ATP11A: variants seen among roughly 807,000 people sequenced by gnomAD.
ATP11A encodes the protein phospholipid-transporting ATPase IH.
Under a neutral mutation model 154.4 loss-of-function variants are expected in ATP11A, and 81 were observed. The ratio of observed to expected loss-of-function variants is 0.52; its 90% confidence interval spans 0.44 to 0.63. The LOEUF (loss-of-function observed/expected upper bound fraction) is 0.63. ATP11A is among the 30% of genes least tolerant of loss of function. The probability of loss-of-function intolerance (pLI) is 0.00; values close to 1 mark genes in which losing one functional copy is unlikely to be tolerated. For synonymous variants in ATP11A, 623 were observed against 585.9 expected (o/e 1.06, Z -0.91); for missense variants, 1,316 against 1,474.3 (o/e 0.89, Z 1.76).
intron 1 of ATP11A, among the ~76,000 whole-genome samples, chr13:112,757,096 A>G (rs147714831): frequency 6.6e-6 from 1 of 152,394 alleles, no homozygotes; most frequent in African/African-American, 2.4e-5. Flanking sequence ...GGCAAAAGAT[A>G]AAAAGTTACT....
At chr13:112,810,585 C>A in intron 4 of ATP11A, 34 bp from the exon 5 acceptor site, 2 of 1,560,140 alleles carry the variant, frequency 1.3e-6, no homozygotes, top group East Asian at 2.2e-5. Context: ...TCTCTCCCTG[C>A]TTCCTCTCTC....
chr13:112,814,294 G>A (rs948252052), intron 5 of ATP11A, among the ~76,000 whole-genome samples: 8 of 151,716 alleles, frequency 5.3e-5, no homozygotes, highest in Middle Eastern at 3.4e-3. Context: ...AACTGCTGGC[G>A]TCAAGTGATC....
chr13:112,822,471 A>G (rs777072895), intron 8 of ATP11A, among the ~76,000 whole-genome samples: 1 of 152,038 alleles, frequency 6.6e-6, no homozygotes, highest in Non-Finnish European at 1.5e-5. Context: ...TGTCCCCCCC[A>G]TTCAGAGGAG....
At chr13:112,849,885 C>T (rs995629044) in intron 17 of ATP11A, among the ~76,000 whole-genome samples, 3 of 152,182 alleles carry the variant, frequency 2.0e-5, no homozygotes, top group East Asian at 1.9e-4. Context: ...TCCTCTGAGA[C>T]GGGTCCACTG....
chr13:112,747,198 A>C (rs1892261373), intron 1 of ATP11A: 1 of 152,210 alleles, frequency 6.6e-6, no homozygotes, highest in Admixed American at 6.5e-5. Context: ...CTTGCAAACA[A>C]GTGGGGTCAG....
intron 28 of ATP11A, among the ~76,000 whole-genome samples, chr13:112,876,303 T>C (rs2080722642): frequency 6.6e-6 from 1 of 152,162 alleles, no homozygotes; most frequent in African/African-American, 2.4e-5. Context: ...CTGGAAACGG[T>C]AGCATCTGTA....
chr13:112,825,331 TTC>T, intron 10 of ATP11A, 97 bp from the exon 11 acceptor site: 1 of 1,365,422 alleles, frequency 7.3e-7, no homozygotes, highest in Non-Finnish European at 1.0e-6. Context: ...GCCCTTCCTA[TTC>T]TGTTTCTTCA....
intron 29 of ATP11A, 22 bp downstream of exon 29, chr13:112,878,325 C>T (rs536592930): frequency 2.2e-5 from 36 of 1,611,292 alleles, no homozygotes; most frequent in Middle Eastern, 1.7e-4. Flanking sequence ...CTGCCTTCCA[C>T]GCACCTGGGA....
At chr13:112,714,882 C>G (rs182866045) in intron 1 of ATP11A, among the ~76,000 whole-genome samples, 1 of 152,326 alleles carries the variant, frequency 6.6e-6, no homozygotes, top group South Asian at 2.1e-4. Context: ...ACTGCCCCCC[C>G]GCAGAACTTC....
intron 1 of ATP11A, among the ~76,000 whole-genome samples, chr13:112,718,177 C>T (rs1888710549): frequency 6.6e-6 from 1 of 151,982 alleles, no homozygotes; most frequent in Non-Finnish European, 1.5e-5. Context: ...GTGTGATAGT[C>T]TTTTTGCTTG....
In ATP11A at chr13:112,831,367, G is replaced by C. The variant is rs758498456; in HGVS notation, c.1222-8G>C. 4 of 1,612,842 alleles carry C rather than the reference G, an allele frequency of 2.5e-6. No individual in the cohort carries two copies. The highest frequency in any genetic ancestry group is 1.7e-5 in the Admixed American group (1 of 59,976). On this transcript the variant is annotated splice_region_variant and splice_polypyrimidine_tract_variant and intron_variant, in intron 12 of 29. Coordinates refer to ENST00000375645, the MANE Select transcript of ATP11A (RefSeq NM_015205.3). ...AGAGCGCCCTGACTTGCTGTGCCCT[G>C]CCCGCAGGTGGAGTACATCTTCACA... is the stretch of plus-strand genomic sequence containing the variant.
intron 10 of ATP11A, among the ~76,000 whole-genome samples, chr13:112,825,134 G>T (rs141381588): frequency 6.6e-6 from 1 of 152,272 alleles, no homozygotes; most frequent in Non-Finnish European, 1.5e-5. Context: ...TTTCAATGAC[G>T]GAAGTCCAGG....
At chr13:112,863,497 C>G (rs1241288444) in intron 25 of ATP11A, among the ~76,000 whole-genome samples, 2 of 139,684 alleles carry the variant, frequency 1.4e-5, no homozygotes, top group Non-Finnish European at 3.1e-5. Flanking sequence ...AGCTTCCCAG[C>G]GGGGTCCATC....
At chr13:112,770,535 G>A (rs949834235) in intron 1 of ATP11A, among the ~76,000 whole-genome samples, 1 of 152,252 alleles carries the variant, frequency 6.6e-6, no homozygotes, top group Admixed American at 6.5e-5. Flanking sequence ...CAGAGGGATG[G>A]GCGTGCCCAC....
Position 112,697,980 on chromosome 13 carries a change from G to A in ATP11A, c.39+7525G>A, listed in dbSNP as rs1452582799. On this transcript the variant is annotated intron_variant, in intron 1 of 29. Transcript: ENST00000375645. This position sits in a 1 kb window ranked among gnomAD's most constrained non-coding sequence, Gnocchi z 4.0. ...TGCAGGACCTTTGCTTTCCAGGCAG[G>A]CATTTCCCAATTTTGTTAGATTCTC... Among the ~76,000 whole-genome samples the A allele has an allele frequency of 6.6e-6, 1 of 152,116 alleles. No homozygotes were observed. Among genetic ancestry groups the A allele is most frequent in the Non-Finnish European group, 1.5e-5 (1 of 68,022 alleles).
intron 1 of ATP11A, among the ~76,000 whole-genome samples, chr13:112,706,230 TA>T (rs1371577753): frequency 6.6e-6 from 1 of 152,166 alleles, no homozygotes; most frequent in Non-Finnish European, 1.5e-5. Context: ...GGTAAAAAGG[TA>T]AAAACTTGAA....
intron 1 of ATP11A, among the ~76,000 whole-genome samples, chr13:112,782,583 T>C (rs1478815352): frequency 6.6e-6 from 1 of 152,218 alleles, no homozygotes; most frequent in Non-Finnish European, 1.5e-5. Flanking sequence ...ATGAAGCTCT[T>C]AGGATGCTTT....
chr13:112,701,874 G>T (rs1364622616), intron 1 of ATP11A, among the ~76,000 whole-genome samples: 1 of 152,016 alleles, frequency 6.6e-6, no homozygotes, highest in Non-Finnish European at 1.5e-5. Flanking sequence ...AGTAGGTTCC[G>T]CGTCGCCCTT....
At chr13:112,866,201 G>T (rs1359222665) in intron 25 of ATP11A, among the ~76,000 whole-genome samples, 1 of 152,140 alleles carries the variant, frequency 6.6e-6, no homozygotes, top group Non-Finnish European at 1.5e-5. Flanking sequence ...TCGTTTCTCT[G>T]TGTTTTTGGA....
Sources: gnomAD v4.1 joint callset for allele counts (sites outside exome capture counted in the v4.1 genomes callset) on GRCh38, gnomAD v4.1.1 for gene constraint, Gnocchi (gnomAD v3.1) non-coding constraint, MANE v1.5 for transcripts, NCBI Gene and HGNC (gene_info 2026-07-23, HGNC 2026-07-21) for gene names.